The following SLC38A4 variants were observed in gnomAD, a reference collection of about 807,000 sequenced individuals.
SLC38A4 encodes sodium-coupled neutral amino acid transporter 4.
A neutral mutation model predicts 63.1 loss-of-function variants in SLC38A4; 20 were observed. The observed-to-expected ratio is 0.32, with a 90% CI of 0.22 to 0.46. The LOEUF (loss-of-function observed/expected upper bound fraction) is 0.46. SLC38A4 is among the 20% of genes least tolerant of loss of function. SLC38A4 has a pLI of 1.00. For missense variants in SLC38A4, 526 were observed against 663.6 expected, an observed-to-expected ratio of 0.79 and a Z score of 2.28; for synonymous variants, 230 against 225.5, an observed-to-expected ratio of 1.02 and a Z score of -0.18.
intron 1 of SLC38A4, among the ~76,000 whole-genome samples, chr12:46,816,086 A>T (rs1356406897): frequency 6.6e-6 from 1 of 151,986 alleles, no homozygotes; most frequent in East Asian, 1.9e-4. Flanking sequence ...CAACACAAAG[A>T]GTATACGTGT....
At chr12:46,779,478 T>C in intron 10 of SLC38A4, 133 bp downstream of exon 10, 1 of 749,324 alleles carries the variant, frequency 1.3e-6, no homozygotes, top group South Asian at 1.9e-5. Flanking sequence ...TAAATTAGTC[T>C]ACAAGAAAAT....
intron 12 of SLC38A4, among the ~76,000 whole-genome samples, 160 bp downstream of exon 12, chr12:46,778,129 G>T (rs1938567435): frequency 6.6e-6 from 1 of 151,994 alleles, no homozygotes. Context: ...GTGGTGGGCT[G>T]ATTCCCACCT....
chr12:46,778,446 A>C, intron 11 of SLC38A4, 55 bp downstream of exon 11: 1 of 1,610,646 alleles, frequency 6.2e-7, no homozygotes, highest in Non-Finnish European at 8.5e-7. Context: ...TTTATTGAAT[A>C]AAAACTTAGA....
At chr12:46,775,955 CA>C in intron 13 of SLC38A4, among the ~76,000 whole-genome samples, 1 of 151,866 alleles carries the variant, frequency 6.6e-6, no homozygotes, top group Middle Eastern at 3.2e-3. Context: ...CATTATTTCA[CA>C]ACCGGCAAAA....
intron 15 of SLC38A4, among the ~76,000 whole-genome samples, chr12:46,768,916 G>A (rs1370529932): frequency 6.6e-6 from 1 of 152,064 alleles, no homozygotes; most frequent in East Asian, 1.9e-4. Flanking sequence ...TCAATGTTCA[G>A]CTGATACTCG....
chr12:46,807,719 A>T (rs1939261530), intron 1 of SLC38A4, among the ~76,000 whole-genome samples: 1 of 152,036 alleles, frequency 6.6e-6, no homozygotes, highest in African/African-American at 2.4e-5. Context: ...CTCTGCCATG[A>T]TAAAGGGGAG....
chr12:46,775,971 A>T (rs1356347852), intron 13 of SLC38A4, among the ~76,000 whole-genome samples: 1 of 151,956 alleles, frequency 6.6e-6, no homozygotes, highest in African/African-American at 2.4e-5. Flanking sequence ...GCAAAAAGTT[A>T]ATGCCCAATC....
intron 1 of SLC38A4, among the ~76,000 whole-genome samples, chr12:46,831,694 GCGACCCAGCTATCAGAGA>G (rs1939733521): frequency 6.6e-6 from 1 of 152,216 alleles, no homozygotes; most frequent in South Asian, 2.1e-4. Flanking sequence ...GGTCTCTGGG[GCGACCCAGCTATCAGAGA>G]CGACAGTTCT....
chr12:46,791,240 C>T (rs1441447926), intron 3 of SLC38A4, among the ~76,000 whole-genome samples: 2 of 152,106 alleles, frequency 1.3e-5, no homozygotes, highest in African/African-American at 2.4e-5. Flanking sequence ...TTCTGGTCAC[C>T]CATCTCATCC....
rs760817445 is a variant in SLC38A4 at position 46,778,367 on chromosome 12, G to A, written c.995C>T (p.Thr332Met). 35 of 1,612,504 alleles carry A rather than the reference G, an allele frequency of 2.2e-5. No individual in the cohort carries two copies. Among genetic ancestry groups the A allele is most frequent in the African/African-American group, 4.0e-5 (3 of 74,804 alleles). Residue 332 changes from threonine (T) to methionine (M), a missense_variant and splice_region_variant, in exon 12 of 17, where the codon ACG becomes ATG. Physicochemically the swap from Thr to Met is moderately conservative, Grantham distance 81. Coordinates refer to ENST00000266579, the MANE Select transcript of SLC38A4 (RefSeq NM_018018.5). Reference sequence around the variant, plus strand: ...TACTAGGATAGGAATTGCATAGGCCGTCTGAAAAACAAAGACAACACCACG... The same window carrying A: ...TACTAGGATAGGAATTGCATAGGCCATCTGAAAAACAAAGACAACACCACG... The part of the protein sequence containing the change: ...EPKYFVFNSR[T>M]AYAIPILVFA...
chr12:46,805,343 A>G (rs1290496981), intron 1 of SLC38A4, among the ~76,000 whole-genome samples: 1 of 152,058 alleles, frequency 6.6e-6, no homozygotes, highest in East Asian at 1.9e-4. Flanking sequence ...TCTAACACTG[A>G]CTTAAAAATC....
intron 5 of SLC38A4, among the ~76,000 whole-genome samples, chr12:46,786,152 T>C (rs1200101208): frequency 1.3e-5 from 2 of 152,120 alleles, no homozygotes; most frequent in Non-Finnish European, 2.9e-5. Context: ...TATTTTTCCA[T>C]ATGCCTTATG....
At chr12:46,766,922 C>G (rs1938312962) in intron 16 of SLC38A4, 120 bp from the exon 17 acceptor site, 1 of 636,668 alleles carries the variant, frequency 1.6e-6, no homozygotes, top group Non-Finnish European at 2.7e-6. Flanking sequence ...TTCTTAATAT[C>G]TCAGATGCCC....
At chr12:46,821,104 C>A (rs531734670) in intron 1 of SLC38A4, among the ~76,000 whole-genome samples, 1 of 151,910 alleles carries the variant, frequency 6.6e-6, no homozygotes, top group African/African-American at 2.4e-5. Context: ...TCTCCCATTC[C>A]GCAGGTTGCC....
chr12:46,788,069 C>T (rs1938800817), intron 4 of SLC38A4, 38 bp from the exon 5 acceptor site: 7 of 1,489,966 alleles, frequency 4.7e-6, no homozygotes, highest in Middle Eastern at 1.7e-4. Context: ...CAAACATTTG[C>T]CAAAGGGCAT....
At position 46,775,130 on chromosome 12, in the gene SLC38A4, A is replaced by G. The variant is rs757341903; in HGVS notation, c.1218T>C (p.Tyr406=). ...DELLHAYSKV[Y]TLDIPLLMVR... ...CCATGAGAAGAGGGATGTCTAATGT[A>G]TACACTTTGCTGTAGGCATGAAGTA... The change falls in exon 14 of 17, where the codon TAT becomes TAC. Residue 406 remains tyrosine, a synonymous_variant. Coordinates refer to ENST00000266579, the MANE Select transcript of SLC38A4 (RefSeq NM_018018.5). The G allele has an allele frequency of 1.9e-6, 3 of 1,612,682 alleles. No homozygotes were observed. The African/African-American group carries it at 4.0e-5, about 22-fold the overall frequency.
intron 1 of SLC38A4, among the ~76,000 whole-genome samples, chr12:46,817,338 A>G (rs944238768): frequency 5.3e-5 from 8 of 151,508 alleles, no homozygotes; most frequent in South Asian, 2.1e-4. Context: ...GATTTTATGG[A>G]TTAGAGGAAT....
intron 2 of SLC38A4, among the ~76,000 whole-genome samples, chr12:46,793,411 G>A (rs552220993): frequency 9.2e-5 from 14 of 152,106 alleles, no homozygotes; most frequent in Non-Finnish European, 1.5e-4. Flanking sequence ...GATATTTATA[G>A]AGTGCCTATG....
chr12:46,801,057 G>A (rs1464589334), intron 2 of SLC38A4, among the ~76,000 whole-genome samples: 3 of 152,044 alleles, frequency 2.0e-5, no homozygotes, highest in Non-Finnish European at 4.4e-5. Context: ...AAGAGGTCTC[G>A]CAGAAACAGA....
Sources: allele counts gnomAD v4.1 joint callset (sites outside exome capture counted in the v4.1 genomes callset), GRCh38; gene constraint gnomAD v4.1.1; transcripts MANE v1.5; gene names NCBI Gene and HGNC (gene_info 2026-07-23, HGNC 2026-07-21).